The following EIF3A variants were observed in gnomAD, a reference collection of about 807,000 sequenced individuals.
EIF3A encodes eukaryotic translation initiation factor 3 subunit A, also known as EIF3, p180 subunit.
A neutral mutation model predicts 186.6 loss-of-function variants in EIF3A; 21 were observed. That is an observed-to-expected ratio of 0.11 (90% CI 0.08 to 0.16). The LOEUF (loss-of-function observed/expected upper bound fraction) is 0.16, where lower values mean the gene tolerates loss of function less well. Among genes scored for constraint, EIF3A ranks in the 10% least tolerant of loss-of-function variants. The pLI, the probability that EIF3A is intolerant of heterozygous loss-of-function variation, is 1.00. For synonymous variants in EIF3A, 563 were observed against 584.3 expected, an observed-to-expected ratio of 0.96 and a Z score of 0.52; for missense variants, 1,306 against 1,796.3, an observed-to-expected ratio of 0.73 and a Z score of 4.93.
At chr10:119,046,066 G>C (rs1446661128) in intron 17 of EIF3A, among the ~76,000 whole-genome samples, 1 of 152,150 alleles carries the variant, frequency 6.6e-6, no homozygotes, top group Non-Finnish European at 1.5e-5. Flanking sequence ...CTGCTCTAAG[G>C]AGACTGAATC....
At chr10:119,073,979 A>T in intron 1 of EIF3A, 42 bp from the exon 2 acceptor site, 5 of 1,471,604 alleles carry the variant, frequency 3.4e-6, no homozygotes, top group Non-Finnish European at 4.5e-6. Flanking sequence ...TGTACACTAT[A>T]CAAGAGTCTA....
rs779433302 is a variant in EIF3A at position 119,037,115 on chromosome 10, A to T, written c.3919+4T>A. 25 of 1,353,762 alleles carry T rather than the reference A, an allele frequency of 1.8e-5. No individual in the cohort carries two copies. Among genetic ancestry groups the T allele is most frequent in the Non-Finnish European group, 2.5e-5 (25 of 1,013,602 alleles). 83.9% of individuals were successfully genotyped at this position (1,353,762 alleles called of 1,614,324 possible). On this transcript the variant is annotated splice_donor_region_variant and intron_variant, in intron 21 of 21. Coordinates refer to ENST00000369144, the MANE Select transcript of EIF3A (RefSeq NM_003750.4). ...AATACTTCAGTTGTATGTAACCTCT[A>T]TACCTTCTTCACGTTCTGATCTGAG...
At chr10:119,036,368 T>A in intron 21 of EIF3A, 100 bp from the exon 22 acceptor site, 1 of 720,036 alleles carries the variant, frequency 1.4e-6, no homozygotes, top group Non-Finnish European at 2.3e-6. Flanking sequence ...AATACAGAAA[T>A]CATTGTTAAA....
chr10:119,041,623 AAAATAAATATAT>A (rs1257434320), intron 19 of EIF3A, among the ~76,000 whole-genome samples: 1 of 152,238 alleles, frequency 6.6e-6, no homozygotes, highest in Admixed American at 6.5e-5. Flanking sequence ...TCAGTTGGCA[AAAATAAATATAT>A]AAAGTACATT....
At chr10:119,079,583 AG>A (rs111340951) in intron 1 of EIF3A, among the ~76,000 whole-genome samples, 4,919 of 150,848 alleles carry the variant, frequency 0.033, 256 homozygotes, top group African/African-American at 0.11. Flanking sequence ...GTCCGGTTAG[AG>A]GGGAAAAAAA....
chr10:119,064,738 C>T (rs1441936445), intron 7 of EIF3A, among the ~76,000 whole-genome samples: 2 of 152,122 alleles, frequency 1.3e-5, no homozygotes, highest in Non-Finnish European at 2.9e-5. Context: ...AAAGGAGTCT[C>T]ACTCTGTCGC....
Position 119,059,925 on chromosome 10 carries a change from A to T in EIF3A, c.1327-207T>A, listed in dbSNP as rs547576231. On this transcript the variant is annotated intron_variant, in intron 9 of 21. Coordinates refer to ENST00000369144, the MANE Select transcript of EIF3A (RefSeq NM_003750.4). ...TTATCATACTATTCCTCAAACCTAT[A>T]ATCTTTTCAAATCCTAGTTGTTGTA... The T allele has an allele frequency of 6.5e-6, 4 of 610,830 alleles. No homozygotes were observed. The East Asian group carries it at 1.2e-4, about 18-fold the overall frequency. 37.8% of individuals were successfully genotyped at this position (610,830 alleles called of 1,614,324 possible).
chr10:119,077,758 T>G (rs1156476377), intron 1 of EIF3A, among the ~76,000 whole-genome samples: 1 of 151,930 alleles, frequency 6.6e-6, no homozygotes, highest in Non-Finnish European at 1.5e-5. Flanking sequence ...TTTCACTGTG[T>G]TAGTGAGGAT....
intron 1 of EIF3A, 194 bp downstream of exon 1, chr10:119,080,434 G>A (rs1316151346): frequency 2.0e-6 from 2 of 985,334 alleles, no homozygotes; most frequent in Non-Finnish European, 2.4e-6. Flanking sequence ...CGGGCTACGC[G>A]CCTCCCAGAC....
chr10:119,079,548 C>A (rs1025202350), intron 1 of EIF3A, among the ~76,000 whole-genome samples: 1 of 151,956 alleles, frequency 6.6e-6, no homozygotes, highest in Non-Finnish European at 1.5e-5. Flanking sequence ...TAAGAGCTAT[C>A]CATGCCCTAA....
At chr10:119,044,526 G>A (rs1451276226) in intron 17 of EIF3A, among the ~76,000 whole-genome samples, 1 of 152,196 alleles carries the variant, frequency 6.6e-6, no homozygotes, top group African/African-American at 2.4e-5. Context: ...TAATGGGGGT[G>A]GTTAAATTAA....
At position 119,050,001 on chromosome 10, in the gene EIF3A, G is replaced by A. The variant is rs770947210; in HGVS notation, c.2474-16C>T. The A allele has an allele frequency of 5.0e-6, 8 of 1,609,866 alleles. No individual in the cohort carries two copies. The highest frequency in any genetic ancestry group is 4.0e-5 in the African/African-American group (3 of 74,614). On this transcript the variant is annotated splice_polypyrimidine_tract_variant and intron_variant, in intron 16 of 21. Coordinates refer to ENST00000369144, the MANE Select transcript of EIF3A (RefSeq NM_003750.4). ...TCTTCCCGCTCTAGACCATTGATTA[G>A]GTTACTAAGTGTGCCTCCCAGCCAT...
In EIF3A at chr10:119,056,859, T is replaced by C. The variant is rs1316241260; in HGVS notation, c.2083-6A>G. On this transcript the variant is annotated splice_region_variant and splice_polypyrimidine_tract_variant and intron_variant, in intron 13 of 21. Coordinates refer to ENST00000369144, the MANE Select transcript of EIF3A (RefSeq NM_003750.4). ...GCTCTTTCAAAATAGTCAATCTGAA[T>C]GACACGAAAACACACGTAGTTTTAA... is the stretch of plus-strand genomic sequence containing the variant. 3.7e-6 allele frequency: 6 copies of C among 1,606,772 alleles called. No individual in the cohort carries two copies. In the African/African-American group the frequency reaches 4.0e-5, roughly 11 times the overall value.
rs1420239491 is a variant in EIF3A at position 119,070,991 on chromosome 10, A to G, written c.636T>C (p.His212=). ...RMHLSQIQRH[H]NQSTAINLNN... ...TAAGATTGATTGCCGTACTTTGGTT[A>G]TGGTGGCGCTGAATCTGCGATAAGT... Residue 212 remains histidine, a synonymous_variant, in exon 5 of 22, where the codon CAT becomes CAC. Coordinates refer to ENST00000369144, the MANE Select transcript of EIF3A (RefSeq NM_003750.4). The G allele has an allele frequency of 3.1e-6, 5 of 1,614,084 alleles. No homozygotes were observed. In the East Asian group the frequency reaches 6.7e-5, roughly 22 times the overall value.
chr10:119,077,477 G>A (rs6585530), intron 1 of EIF3A, among the ~76,000 whole-genome samples: 148,869 of 152,120 alleles, frequency 0.98, 72,927 homozygotes, highest in East Asian at 1. Context: ...AGTTGGAATG[G>A]GAACAGATTT....
At chr10:119,074,068 T>A in intron 1 of EIF3A, 131 bp from the exon 2 acceptor site, 1 of 716,228 alleles carries the variant, frequency 1.4e-6, no homozygotes, top group Non-Finnish European at 2.1e-6. Flanking sequence ...ATTTTTGACT[T>A]CTAAAGCTAT....
intron 1 of EIF3A, among the ~76,000 whole-genome samples, chr10:119,076,209 C>T (rs1045799101): frequency 1.0e-4 from 15 of 150,748 alleles, no homozygotes; most frequent in South Asian, 2.1e-4. Context: ...GATGCACGCC[C>T]GTAATCCTAG....
At chr10:119,071,229 A>T (rs1844064969) in intron 4 of EIF3A, 144 bp from the exon 5 acceptor site, 1 of 656,360 alleles carries the variant, frequency 1.5e-6, no homozygotes, top group Non-Finnish European at 2.6e-6. Context: ...AATGAGAATC[A>T]ACTTATTTCA....
chr10:119,068,325 A>G (rs1401793763), intron 6 of EIF3A, among the ~76,000 whole-genome samples: 1 of 152,208 alleles, frequency 6.6e-6, no homozygotes, highest in Non-Finnish European at 1.5e-5. Flanking sequence ...GAGAATAAAC[A>G]TGACCCAAAT....
Sources: allele counts gnomAD v4.1 joint callset (sites outside exome capture counted in the v4.1 genomes callset), GRCh38; gene constraint gnomAD v4.1.1; transcripts MANE v1.5; gene names NCBI Gene and HGNC (gene_info 2026-07-23, HGNC 2026-07-21).